Variants in NPHP1 observed in about 807,000 individuals in gnomAD.
NPHP1 encodes the protein nephrocystin 1, also known as nephrocystin-1.
In NPHP1, 70 loss-of-function variants were observed where a neutral mutation model predicts 90.4. That is an observed-to-expected ratio of 0.77 (90% confidence interval 0.64 to 0.95). NPHP1 has a LOEUF of 0.95. Ranked by LOEUF, NPHP1 falls within the 40% of genes least tolerant of loss-of-function variation. The probability of loss-of-function intolerance (pLI) is 0.00; values close to 1 mark genes in which losing one functional copy is unlikely to be tolerated. For synonymous variants in NPHP1, 256 were observed against 271.7 expected (o/e 0.94, Z 0.57); for missense variants, 764 against 795.9 (o/e 0.96, Z 0.48).
intron 6 of NPHP1, among the ~76,000 whole-genome samples, chr2:110,166,058 T>G (rs1024149053): frequency 3.3e-5 from 5 of 152,234 alleles, no homozygotes; most frequent in African/African-American, 1.2e-4. Flanking sequence ...GACACTTTTT[T>G]TGCTGGTCAT....
rs142766517 is a variant in NPHP1, at chr2:110,141,543, G to A, written c.1529+1999C>T. ...GGAAAATGTATATTTAAAACACCAT[G>A]AGAAACCACTATTCTCATTTATTAG... On this transcript the variant is annotated intron_variant, in intron 16 of 19. Coordinates refer to ENST00000445609, the MANE Select transcript of NPHP1 (RefSeq NM_001128178.3). Among the ~76,000 whole-genome samples the A allele has an allele frequency of 8.4e-4, 128 of 152,192 alleles. 1 individual carries two copies. The East Asian group carries it at 0.014, about 17-fold the overall frequency.
At chr2:110,153,402 T>C (rs1442723496) in intron 11 of NPHP1, among the ~76,000 whole-genome samples, 1 of 152,138 alleles carries the variant, frequency 6.6e-6, no homozygotes, top group Non-Finnish European at 1.5e-5. Flanking sequence ...TATAGGTAAA[T>C]ACTATGGATC....
chr2:110,176,422 C>G (rs1358635232), intron 4 of NPHP1, among the ~76,000 whole-genome samples: 1 of 152,052 alleles, frequency 6.6e-6, no homozygotes, highest in Non-Finnish European at 1.5e-5. Flanking sequence ...AACTCTATAT[C>G]TGGATCATAT....
At chr2:110,143,924 T>C (rs1680828970) in intron 15 of NPHP1, 1 of 402,250 alleles carries the variant, frequency 2.5e-6, no homozygotes, top group Non-Finnish European at 4.6e-6. Context: ...AACTCCTTTC[T>C]GTTCCAAGAA....
At position 110,150,272 on chromosome 2, in the gene NPHP1, C is replaced by A; in HGVS notation, c.1084-16G>T. ...TGCTCAGAACCTGAAATGAGATTTT[C>A]CCTTTTGAAATCATGTAAAAAGCTC... On this transcript the variant is annotated splice_polypyrimidine_tract_variant and intron_variant, in intron 11 of 19. Coordinates refer to ENST00000445609, the MANE Select transcript of NPHP1 (RefSeq NM_001128178.3). The A allele has an allele frequency of 6.2e-7, 1 of 1,612,630 alleles. No individual in the cohort carries two copies. The highest frequency in any genetic ancestry group is 1.3e-5 in the African/African-American group (1 of 74,982).
chr2:110,145,166 A>G (rs1680928219), intron 14 of NPHP1, among the ~76,000 whole-genome samples: 1 of 152,184 alleles, frequency 6.6e-6, no homozygotes, highest in Non-Finnish European at 1.5e-5. Context: ...AACACTCTAC[A>G]TGCTTTTCTT....
chr2:110,152,559 A>G (rs1402263319), intron 11 of NPHP1, among the ~76,000 whole-genome samples: 1 of 151,228 alleles, frequency 6.6e-6, no homozygotes, highest in Non-Finnish European at 1.5e-5. Flanking sequence ...CATGATAGAG[A>G]AATAGATATT....
intron 2 of NPHP1, among the ~76,000 whole-genome samples, chr2:110,183,862 TCAC>T (rs1398233772): frequency 6.6e-6 from 1 of 152,104 alleles, no homozygotes; most frequent in Admixed American, 6.6e-5. Context: ...ATTCTACTCA[TCAC>T]CACAAGGCAC....
At chr2:110,202,880 G>A (rs1685664220) in intron 1 of NPHP1, among the ~76,000 whole-genome samples, 2 of 152,056 alleles carry the variant, frequency 1.3e-5, no homozygotes, top group Admixed American at 6.5e-5. Context: ...CCCAAACAAC[G>A]TAAAACAGAA....
intron 16 of NPHP1, among the ~76,000 whole-genome samples, chr2:110,142,566 G>T (rs1279008856): frequency 1.3e-5 from 2 of 151,482 alleles, no homozygotes; most frequent in Admixed American, 6.6e-5. Flanking sequence ...TGCCCAGGCT[G>T]GTCTTGAACT....
At chr2:110,187,349 C>T (rs1031406274) in intron 2 of NPHP1, among the ~76,000 whole-genome samples, 1 of 152,048 alleles carries the variant, frequency 6.6e-6, no homozygotes, top group Non-Finnish European at 1.5e-5. Context: ...CCACTGACCC[C>T]ACAGAAATAC....
intron 18 of NPHP1, chr2:110,128,893 AT>A: frequency 4.7e-6 from 2 of 428,896 alleles, no homozygotes; most frequent in Non-Finnish European, 8.5e-6. Flanking sequence ...ACCATTTTGG[AT>A]TTTTGCTCTT....
At chr2:110,163,326 C>T (rs1574125282) in intron 8 of NPHP1, 191 bp from the exon 9 acceptor site, 1 of 596,398 alleles carries the variant, frequency 1.7e-6, no homozygotes, top group Non-Finnish European at 3.0e-6. Context: ...CTCCTAAGGA[C>T]CTAAGCCCCA....
rs1399563437 is a variant in NPHP1 at position 110,188,278 on chromosome 2, C to T, written c.144-8594G>A. Among the ~76,000 whole-genome samples the T allele has an allele frequency of 2.0e-5, 3 of 152,100 alleles. No individual in the cohort carries two copies. The East Asian group carries it at 5.8e-4, about 29-fold the overall frequency. Reference sequence around the variant, plus strand: ...ATATCTAGAAAACCCATTGTCTTGGCCCAGAAACTTCTTAAGCTGATAAGC... The same window carrying T: ...ATATCTAGAAAACCCATTGTCTTGGTCCAGAAACTTCTTAAGCTGATAAGC... On this transcript the variant is annotated intron_variant, in intron 2 of 19. Coordinates refer to ENST00000445609, the MANE Select transcript of NPHP1 (RefSeq NM_001128178.3).
In NPHP1 at chr2:110,160,166, G is replaced by T; in HGVS notation, c.1044C>A (p.Leu348=). ...IPLPGMSIQV[L]SRHVRLCLFD... is the part of the protein sequence containing the mutation. The stretch of plus-strand genomic sequence containing the variant: ...ATAGACAGAGGCGTACATGTCTGCT[G>T]AGAACCTGTATGCTCATTCCTGGAA... The change falls in exon 11 of 20, where the codon CTC becomes CTA. Residue 348 remains leucine, a synonymous_variant. Transcript: ENST00000445609. 4.3e-6 allele frequency: 7 copies of T among 1,613,114 alleles called. No homozygotes were observed. The highest frequency in any genetic ancestry group is 5.9e-6 in the Non-Finnish European group (7 of 1,179,248).
intron 16 of NPHP1, among the ~76,000 whole-genome samples, chr2:110,132,294 G>T (rs1679844024): frequency 6.6e-6 from 1 of 152,270 alleles, no homozygotes; most frequent in Non-Finnish European, 1.5e-5. Context: ...TTGTGCTTTG[G>T]TTTCCTCATT....
Position 110,163,033 on chromosome 2 carries a change from A to G in NPHP1, c.859+15T>C, listed in dbSNP as rs760107278. ...CTTTGCTGAAAGAGTGCAGTGGCTG[A>G]TAGGCACGCATTACCTTCCTCCAGA... On this transcript the variant is annotated intron_variant, in intron 9 of 19. Coordinates refer to ENST00000445609, the MANE Select transcript of NPHP1 (RefSeq NM_001128178.3). 1 of 1,588,434 alleles carries G rather than the reference A, an allele frequency of 6.3e-7. No individual in the cohort carries two copies. Among genetic ancestry groups the G allele is most frequent in the South Asian group, 1.1e-5 (1 of 90,386 alleles).
In NPHP1 at chr2:110,143,585, C is replaced by G. The variant is rs781392027; in HGVS notation, c.1486G>C (p.Val496Leu). ...CTTCTGTTCAAGGATCTCAGTTTCA[C>G]TAGAAGTTGAGGCTGCCTTCTCATT... ...MTMRRQPQLL[V>L]KLRSLNRRSR... is the part of the protein sequence containing the mutation. Residue 496 changes from valine (V) to leucine (L), a missense_variant, in exon 16 of 20, where the codon GTG becomes CTG. Coordinates refer to ENST00000445609, the MANE Select transcript of NPHP1 (RefSeq NM_001128178.3). 6.2e-7 allele frequency: 1 copy of G among 1,613,816 alleles called. No individual in the cohort carries two copies. Among genetic ancestry groups the G allele is most frequent in the Non-Finnish European group, 8.5e-7 (1 of 1,179,734 alleles).
rs114250691 is a variant in NPHP1 at position 110,163,104 on chromosome 2, A to G, written c.803T>C (p.Met268Thr). The G allele has an allele frequency of 1.9e-4, 309 of 1,613,540 alleles. 1 individual carries two copies. The African/African-American group carries it at 3.5e-3, about 18-fold the overall frequency. Residue 268 changes from methionine (M) to threonine (T), a missense_variant, in exon 9 of 20, where the codon ATG becomes ACG. Physicochemically the swap from Met to Thr is moderately conservative, Grantham distance 81 (BLOSUM62 -1). Transcript: ENST00000445609. ...QINTVDVLTT[M>T]GAIPAGFRPS... is the part of the protein sequence containing the mutation. ...CCTGAACCCTGCAGGAATAGCTCCC[A>G]TCGTAGTTAACACATCAACAGTGTT... is the stretch of plus-strand genomic sequence containing the variant.
Sources: allele counts gnomAD v4.1 joint callset (sites outside exome capture counted in the v4.1 genomes callset), GRCh38; gene constraint gnomAD v4.1.1; transcripts MANE v1.5; gene names NCBI Gene and HGNC (gene_info 2026-07-23, HGNC 2026-07-21).